The following TSHZ2 variants were observed in gnomAD, a reference collection of about 807,000 sequenced individuals.
TSHZ2 encodes teashirt zinc finger homeobox 2, also known as teashirt homolog 2.
TSHZ2 carries 21 observed loss-of-function variants against 74.4 expected under a neutral mutation model. The observed-to-expected ratio is 0.28, with a 90% CI of 0.20 to 0.41. TSHZ2 has a LOEUF of 0.41. Among genes scored for constraint, TSHZ2 ranks in the 10% least tolerant of loss-of-function variants. The pLI is 1.00. For missense variants in TSHZ2, 1,244 were observed against 1,293.5 expected (o/e 0.96, Z 0.59); for synonymous variants, 540 against 515.3 (o/e 1.05, Z -0.65).
chr20:53,055,610 C>T (rs1260515836), intron 1 of TSHZ2, among the ~76,000 whole-genome samples: 1 of 152,118 alleles, frequency 6.6e-6, no homozygotes. Flanking sequence ...GGAACATTTG[C>T]ATCAGTTTTC....
chr20:53,020,832 C>T (rs1278586866), intron 1 of TSHZ2, among the ~76,000 whole-genome samples: 1 of 152,188 alleles, frequency 6.6e-6, no homozygotes, highest in Non-Finnish European at 1.5e-5. Flanking sequence ...GAGAAATCTC[C>T]ACAGTCTTCC....
At chr20:53,077,900 G>T (rs1985416495) in intron 1 of TSHZ2, among the ~76,000 whole-genome samples, 1 of 152,208 alleles carries the variant, frequency 6.6e-6, no homozygotes. Context: ...TCTTAACTTT[G>T]TGAACACTCT....
intron 2 of TSHZ2, among the ~76,000 whole-genome samples, chr20:53,271,181 C>T (rs563018103): frequency 6.6e-6 from 1 of 152,214 alleles, no homozygotes; most frequent in Non-Finnish European, 1.5e-5. Context: ...AGGAAACACA[C>T]AGCAGCTAAG....
At chr20:53,030,736 A>T (rs1450270349) in intron 1 of TSHZ2, among the ~76,000 whole-genome samples, 4 of 152,252 alleles carry the variant, frequency 2.6e-5, no homozygotes, top group Non-Finnish European at 5.9e-5. Flanking sequence ...TCACCCACAG[A>T]TATCACCACT....
intron 2 of TSHZ2, among the ~76,000 whole-genome samples, chr20:53,350,036 T>C (rs1980589716): frequency 6.6e-6 from 1 of 152,190 alleles, no homozygotes; most frequent in African/African-American, 2.4e-5. Context: ...TGCCATCATA[T>C]CCTACTAATG....
intron 1 of TSHZ2, among the ~76,000 whole-genome samples, chr20:53,213,922 C>T (rs1989373739): frequency 6.6e-6 from 1 of 152,128 alleles, no homozygotes; most frequent in Non-Finnish European, 1.5e-5. Flanking sequence ...TTAAAATCAA[C>T]AACTATTTCC....
At chr20:53,113,399 C>A (rs770240939) in intron 1 of TSHZ2, among the ~76,000 whole-genome samples, 2 of 152,128 alleles carry the variant, frequency 1.3e-5, no homozygotes, top group Non-Finnish European at 2.9e-5. Context: ...TTTTGTGTAT[C>A]TAACCATATT....
chr20:53,121,919 C>T (rs1258434536), intron 1 of TSHZ2, among the ~76,000 whole-genome samples: 1 of 152,200 alleles, frequency 6.6e-6, no homozygotes, highest in East Asian at 1.9e-4. Flanking sequence ...ATAGATGTTG[C>T]TTAAAATGTC....
intron 1 of TSHZ2, among the ~76,000 whole-genome samples, chr20:53,160,496 C>A (rs1987904241): frequency 6.6e-6 from 1 of 152,064 alleles, no homozygotes; most frequent in East Asian, 1.9e-4. Flanking sequence ...GGGCCGGGGG[C>A]AGTGGCTCAT....
intron 1 of TSHZ2, among the ~76,000 whole-genome samples, chr20:53,030,916 A>G (rs1017174038): frequency 1.2e-4 from 19 of 152,248 alleles, no homozygotes; most frequent in Admixed American, 1.2e-3. Context: ...AAACACGTAA[A>G]AATTTTAAAT....
intron 2 of TSHZ2, among the ~76,000 whole-genome samples, chr20:53,367,959 A>AT (rs1175704010): frequency 1.3e-5 from 2 of 152,182 alleles, no homozygotes; most frequent in Admixed American, 1.3e-4. Context: ...AACTTCAGAT[A>AT]TTAAAAAGCA....
intron 1 of TSHZ2, among the ~76,000 whole-genome samples, chr20:53,229,488 T>C (rs1294560431): frequency 6.6e-6 from 1 of 152,228 alleles, no homozygotes; most frequent in African/African-American, 2.4e-5. Flanking sequence ...TCGTATTTAA[T>C]TAATATCAGC....
At chr20:53,310,214 T>C (rs911058297) in intron 2 of TSHZ2, among the ~76,000 whole-genome samples, 1 of 152,164 alleles carries the variant, frequency 6.6e-6, no homozygotes, top group African/African-American at 2.4e-5. Context: ...GAAACAGAAG[T>C]TGTATGGTCA....
intron 1 of TSHZ2, among the ~76,000 whole-genome samples, chr20:53,157,242 G>A (rs1041180245): frequency 6.6e-6 from 1 of 150,538 alleles, no homozygotes; most frequent in Non-Finnish European, 1.5e-5. Flanking sequence ...AGATCCTTAT[G>A]GGCGTAAAAC....
At chr20:53,480,073 T>G (rs1386031862) in intron 2 of TSHZ2, among the ~76,000 whole-genome samples, 1 of 97,802 alleles carries the variant, frequency 1.0e-5, no homozygotes, top group Non-Finnish European at 2.1e-5. Flanking sequence ...GTTTTTGTTT[T>G]TTTTTTTTTT....
chr20:53,033,272 C>T (rs1806166996), intron 1 of TSHZ2, among the ~76,000 whole-genome samples: 2 of 152,202 alleles, frequency 1.3e-5, no homozygotes, highest in African/African-American at 4.8e-5. Flanking sequence ...CGGCTGAAAG[C>T]AGGTGGCTTG....
intron 1 of TSHZ2, among the ~76,000 whole-genome samples, chr20:53,072,936 T>C (rs1339673656): frequency 6.6e-6 from 1 of 152,062 alleles, no homozygotes; most frequent in African/African-American, 2.4e-5. Flanking sequence ...CCTTAATCCA[T>C]TCATCCATCC....
intron 1 of TSHZ2, among the ~76,000 whole-genome samples, chr20:53,162,880 T>C (rs773652714): frequency 2.0e-5 from 3 of 152,230 alleles, no homozygotes; most frequent in Non-Finnish European, 4.4e-5. Flanking sequence ...AAAATGACCT[T>C]CGTCAGTTAT....
intron 1 of TSHZ2, among the ~76,000 whole-genome samples, chr20:53,143,280 A>G (rs1428414552): frequency 1.3e-5 from 2 of 152,188 alleles, no homozygotes; most frequent in Admixed American, 6.5e-5. Context: ...ACAGTTTCCT[A>G]TGTGGAAACT....
Sources: gnomAD v4.1 joint callset for allele counts (sites outside exome capture counted in the v4.1 genomes callset) on GRCh38, gnomAD v4.1.1 for gene constraint, MANE v1.5 for transcripts, NCBI Gene and HGNC (gene_info 2026-07-23, HGNC 2026-07-21) for gene names.